Variants in MTF1 observed in about 807,000 individuals in gnomAD.
The protein encoded by MTF1 is MRE-binding transcription factor.
In MTF1, 22 loss-of-function variants were observed where a neutral mutation model predicts 70.4. The observed-to-expected ratio is 0.31, with a 90% CI of 0.22 to 0.45. MTF1 has a LOEUF of 0.45. Among genes scored for constraint, MTF1 ranks in the 20% least tolerant of loss-of-function variants. The probability of loss-of-function intolerance (pLI) is 1.00; values close to 1 mark genes in which losing one functional copy is unlikely to be tolerated. For synonymous variants in MTF1, 333 were observed against 352.8 expected, an observed-to-expected ratio of 0.94 and a Z score of 0.63; for missense variants, 649 against 922.0, an observed-to-expected ratio of 0.70 and a Z score of 3.83.
chr1:37,835,436 G>A (rs145713897), intron 5 of MTF1, among the ~76,000 whole-genome samples: 1 of 151,982 alleles, frequency 6.6e-6, no homozygotes, highest in African/African-American at 2.4e-5. Flanking sequence ...GAGTAGATTT[G>A]TTTCTCACAG....
At chr1:37,838,561 C>A in intron 4 of MTF1, 64 bp downstream of exon 4, 2 of 1,442,740 alleles carry the variant, frequency 1.4e-6, no homozygotes, top group Non-Finnish European at 1.9e-6. Context: ...TGAAAAATTC[C>A]AGAGTATATC....
chr1:37,826,584 T>G (rs1641004908), intron 7 of MTF1: 1 of 454,966 alleles, frequency 2.2e-6, no homozygotes, highest in Admixed American at 2.4e-5. Context: ...ATGATTCTCT[T>G]CTACGTCTAT....
chr1:37,822,642 A>T lies in MTF1; in HGVS notation c.1246T>A (p.Ser416Thr), dbSNP rs1363613252. Residue 416 changes from serine (S) to threonine (T), a missense_variant, in exon 9 of 11, where the codon TCT (serine) becomes ACT (threonine). Physicochemically the swap from Ser to Thr is moderately conservative, Grantham distance 58. Around this residue, in one of 7 missense-constraint regions of MTF1, gnomAD observed 267 missense variants for 292.1 expected, o/e 0.91. Transcript: ENST00000373036. ...DVPPSTGNSA[S>T]LSLPLVLQPG... ...TGCAGTACAAGTGGAAGAGATAAAG[A>T]TGCTGAATTTCCTGTGGATGGCGGA... is the stretch of plus-strand genomic sequence containing the variant. 1.9e-6 allele frequency: 3 copies of T among 1,613,976 alleles called. No individual in the cohort carries two copies. Among genetic ancestry groups the T allele is most frequent in the Non-Finnish European group, 2.5e-6 (3 of 1,180,004 alleles).
intron 7 of MTF1, chr1:37,826,565 C>T (rs1486202020): frequency 2.2e-6 from 1 of 455,548 alleles, no homozygotes; most frequent in Non-Finnish European, 4.4e-6. Flanking sequence ...GAGCCACCAC[C>T]ACCAGCTGAT....
chr1:37,831,857 G>GA (rs1641092001), intron 7 of MTF1, among the ~76,000 whole-genome samples: 2 of 152,146 alleles, frequency 1.3e-5, no homozygotes, highest in Non-Finnish European at 2.9e-5. Context: ...TAGGATTTGA[G>GA]AAAGTCCAGA....
chr1:37,830,948 C>A (rs1569860387), intron 7 of MTF1, among the ~76,000 whole-genome samples: 1 of 152,198 alleles, frequency 6.6e-6, no homozygotes, highest in Admixed American at 6.5e-5. Flanking sequence ...GGTGCTGTGG[C>A]CACCCTGAAC....
At chr1:37,845,434 G>T (rs1246845970) in intron 2 of MTF1, among the ~76,000 whole-genome samples, 1 of 152,202 alleles carries the variant, frequency 6.6e-6, no homozygotes, top group Non-Finnish European at 1.5e-5. Flanking sequence ...GAGAAAGAGA[G>T]GGGAGGGGGC....
intron 2 of MTF1, among the ~76,000 whole-genome samples, chr1:37,854,078 G>T (rs1272341628): frequency 6.6e-6 from 1 of 152,148 alleles, no homozygotes; most frequent in Non-Finnish European, 1.5e-5. Flanking sequence ...CACCATCTTG[G>T]CTCATTGCAA....
chr1:37,839,597 G>A (rs1641225000), intron 3 of MTF1, among the ~76,000 whole-genome samples: 1 of 152,138 alleles, frequency 6.6e-6, no homozygotes, highest in African/African-American at 2.4e-5. Flanking sequence ...CTGAGCCAAG[G>A]GGAGATAGTA....
chr1:37,821,366 CAATG>C lies in MTF1; in HGVS notation c.1767+751_1767+754del, dbSNP rs555804066. Among the ~76,000 whole-genome samples the C allele has an allele frequency of 7.4e-4, 112 of 151,944 alleles. 1 individual carries two copies. Among genetic ancestry groups the C allele is most frequent in the Non-Finnish European group, 1.3e-3 (89 of 68,000 alleles). The stretch of plus-strand genomic sequence containing the variant: ...TAAGTCCTTACACATAGTAAGGACT[CAATG>C]AATAATAGCTGTTGATGTTTTTTAA... On this transcript the variant is annotated intron_variant, in intron 9 of 10. Coordinates refer to ENST00000373036, the MANE Select transcript of MTF1 (RefSeq NM_005955.3).
chr1:37,850,467 AAGAG>A (rs921010971), intron 2 of MTF1, among the ~76,000 whole-genome samples: 9 of 151,542 alleles, frequency 5.9e-5, no homozygotes, highest in African/African-American at 1.7e-4. Context: ...ACCCTGTTTC[AAGAG>A]AGAAAGGAAA....
In MTF1 at chr1:37,840,577, C is replaced by G. The variant is rs1457075200; in HGVS notation, c.409-419G>C. ...CAATATTAAATTGAGTTTAAAACAT[C>G]TGGAAATTTACATACTTAATCATCA... On this transcript the variant is annotated intron_variant, in intron 2 of 10. Coordinates refer to ENST00000373036, the MANE Select transcript of MTF1 (RefSeq NM_005955.3). This position sits in a 1 kb window ranked among gnomAD's most constrained non-coding sequence, Gnocchi z 4.5. The G allele has an allele frequency of 1.4e-5, 6 of 442,026 alleles. No homozygotes were observed. Among genetic ancestry groups the G allele is most frequent in the Non-Finnish European group, 2.7e-5 (6 of 223,080 alleles). 27.4% of individuals were successfully genotyped at this position (442,026 alleles called of 1,614,324 possible).
intron 3 of MTF1, among the ~76,000 whole-genome samples, chr1:37,839,226 C>T (rs1014861119): frequency 7.2e-5 from 11 of 152,216 alleles, no homozygotes; most frequent in East Asian, 1.9e-4. Context: ...CCAAAAGAAA[C>T]GCAGAGAATA....
chr1:37,818,327 T>C (rs1640850634), intron 9 of MTF1, among the ~76,000 whole-genome samples: 1 of 152,062 alleles, frequency 6.6e-6, no homozygotes, highest in African/African-American at 2.4e-5. Context: ...ATGCCTATAG[T>C]CCCAGCTATT....
At chr1:37,834,985 T>C in intron 6 of MTF1, 94 bp downstream of exon 6, 1 of 1,360,118 alleles carries the variant, frequency 7.4e-7, no homozygotes, top group Non-Finnish European at 1.0e-6. Flanking sequence ...CACTAACAGA[T>C]ATACAGAGAA....
At chr1:37,849,744 AG>A (rs1487854726) in intron 2 of MTF1, among the ~76,000 whole-genome samples, 3 of 152,182 alleles carry the variant, frequency 2.0e-5, no homozygotes, top group Non-Finnish European at 2.9e-5. Flanking sequence ...CACAGTTGCC[AG>A]GTGTGGTAGC....
chr1:37,826,785 C>A (rs1641008879), intron 7 of MTF1, among the ~76,000 whole-genome samples: 1 of 152,094 alleles, frequency 6.6e-6, no homozygotes, highest in Admixed American at 6.6e-5. Context: ...TCGAAACCAG[C>A]CTGGCCAACA....
chr1:37,847,376 G>C (rs1641349073), intron 2 of MTF1, among the ~76,000 whole-genome samples: 1 of 151,956 alleles, frequency 6.6e-6, no homozygotes, highest in African/African-American at 2.4e-5. Context: ...TGTAAAATGG[G>C]GGCTAATAGT....
intron 6 of MTF1, 39 bp from the exon 7 acceptor site, chr1:37,832,361 C>T (rs1306018442): frequency 1.5e-6 from 2 of 1,320,620 alleles, no homozygotes; most frequent in Non-Finnish European, 2.2e-6. Context: ...TAACAAAAAT[C>T]AGGATTTACA....
Sources: allele counts gnomAD v4.1 joint callset (sites outside exome capture counted in the v4.1 genomes callset), GRCh38; gene constraint gnomAD v4.1.1; regional missense constraint gnomAD v4.1.1; non-coding constraint Gnocchi (gnomAD v3.1); transcripts MANE v1.5; gene names NCBI Gene and HGNC (gene_info 2026-07-23, HGNC 2026-07-21).